VSTM1: variants seen among roughly 807,000 people sequenced by gnomAD.
VSTM1 encodes the protein V-set and transmembrane domain containing 1.
In VSTM1, 27 loss-of-function variants were observed where a neutral mutation model predicts 33.1. The observed-to-expected ratio is 0.82, with a 90% CI of 0.60 to 1.12. The LOEUF is 1.12. Among genes scored for constraint, VSTM1 ranks in the 50% most tolerant of loss-of-function variants. The pLI is 0.00. For synonymous variants in VSTM1, 115 were observed against 110.3 expected, an observed-to-expected ratio of 1.04 and a Z score of -0.27; for missense variants, 304 against 288.9, an observed-to-expected ratio of 1.05 and a Z score of -0.38.
chr19:54,060,197 C>T (rs2071328390), intron 1 of VSTM1, among the ~76,000 whole-genome samples: 3 of 151,986 alleles, frequency 2.0e-5, no homozygotes, highest in Non-Finnish European at 4.4e-5. Context: ...GAATCTGCTC[C>T]CCCTTCCCCG....
At chr19:54,043,252 G>A (rs2070409208) in intron 4 of VSTM1, among the ~76,000 whole-genome samples, 1 of 152,068 alleles carries the variant, frequency 6.6e-6, no homozygotes, top group Admixed American at 6.6e-5. Context: ...CCCCAAGGTG[G>A]AAGGAATTCT....
chr19:54,052,172 G>T (rs1360022004), intron 3 of VSTM1, among the ~76,000 whole-genome samples: 1 of 151,582 alleles, frequency 6.6e-6, no homozygotes, highest in Non-Finnish European at 1.5e-5. Flanking sequence ...GCCGAGGCGG[G>T]CAGATCACAA....
At chr19:54,061,998 AT>A (rs766178344) in intron 1 of VSTM1, among the ~76,000 whole-genome samples, 2 of 152,028 alleles carry the variant, frequency 1.3e-5, no homozygotes, top group Non-Finnish European at 2.9e-5. Context: ...TCTACTAAAA[AT>A]ACAAAAATTA....
At chr19:54,046,570 T>C (rs2070602397) in intron 4 of VSTM1, among the ~76,000 whole-genome samples, 1 of 152,048 alleles carries the variant, frequency 6.6e-6, no homozygotes, top group Non-Finnish European at 1.5e-5. Context: ...CTGTAATAGA[T>C]TCTGTCAATG....
At position 54,058,298 on chromosome 19, in the gene VSTM1, C is replaced by T; in HGVS notation, c.355+8G>A. On this transcript the variant is annotated splice_region_variant and intron_variant, in intron 3 of 8. Coordinates refer to ENST00000338372, the MANE Select transcript of VSTM1 (RefSeq NM_198481.4). ...GTGTGCATCAAAGAGTACATCTGCC[C>T]TTCTCACCTGTGACCACCAGCTGCA... The T allele has an allele frequency of 1.2e-6, 2 of 1,613,140 alleles. No individual in the cohort carries two copies. The highest frequency in any genetic ancestry group is 1.1e-5 in the South Asian group (1 of 91,048).
intron 3 of VSTM1, among the ~76,000 whole-genome samples, chr19:54,056,848 TC>T (rs1224834327): frequency 2.1e-4 from 26 of 125,408 alleles, no homozygotes; most frequent in Admixed American, 3.7e-4. Flanking sequence ...GTTGCATCTA[TC>T]CTTCTTCTTC....
chr19:54,041,493 G>T (rs1443654441), intron 8 of VSTM1, among the ~76,000 whole-genome samples: 1 of 151,892 alleles, frequency 6.6e-6, no homozygotes, highest in African/African-American at 2.4e-5. Flanking sequence ...AGTAGAGATG[G>T]GGTTTCACCA....
intron 1 of VSTM1, among the ~76,000 whole-genome samples, chr19:54,061,164 C>A (rs1211689216): frequency 4.0e-5 from 6 of 151,806 alleles, no homozygotes; most frequent in African/African-American, 1.5e-4. Context: ...ATTACAGGTC[C>A]TTGCCACCAT....
intron 3 of VSTM1, among the ~76,000 whole-genome samples, chr19:54,056,214 CTT>C (rs869203085): frequency 1.8e-4 from 7 of 39,168 alleles, no homozygotes; most frequent in Non-Finnish European, 2.5e-4. Context: ...CTTTTCTTTT[CTT>C]TTTTTTTTTT....
At position 54,042,171 on chromosome 19, in the gene VSTM1, C is replaced by T; in HGVS notation, c.513G>A (p.Lys171=). 1 of 1,613,982 alleles carries T rather than the reference C, an allele frequency of 6.2e-7. No individual in the cohort carries two copies. The highest frequency in any genetic ancestry group is 8.5e-7 in the Non-Finnish European group (1 of 1,179,996). ...CATGAGCTATGCCAAGCATCTACCT[C>T]TTGGTGGATTCCTCAGATGATGAAC... is the stretch of plus-strand genomic sequence containing the variant. ...QHSSSSEEST[K]RTSHSKLPEQ... is the part of the protein sequence containing the mutation. The change falls in exon 6 of 9, where the codon AAG becomes AAA. Residue 171 remains lysine, a splice_region_variant and synonymous_variant. Coordinates refer to ENST00000338372, the MANE Select transcript of VSTM1 (RefSeq NM_198481.4).
At position 54,042,156 on chromosome 19, in the gene VSTM1, G is replaced by A. The variant is rs1366406719; in HGVS notation, c.515+13C>T. On this transcript the variant is annotated intron_variant, in intron 6 of 8. Transcript: ENST00000338372. The stretch of plus-strand genomic sequence containing the variant: ...TGGGAATAAGTGGAGCATGAGCTAT[G>A]CCAAGCATCTACCTCTTGGTGGATT... The A allele has an allele frequency of 6.2e-7, 1 of 1,613,958 alleles. No homozygotes were observed. Among genetic ancestry groups the A allele is most frequent in the Non-Finnish European group, 8.5e-7 (1 of 1,179,976 alleles).
In VSTM1 at chr19:54,057,437, C is replaced by T. The variant is rs572863919; in HGVS notation, c.355+869G>A. The stretch of plus-strand genomic sequence containing the variant: ...GGCTGATGTGGGAAAATCGCTTGAG[C>T]CTGGGAGGTCGAGGCTGCAGTGAAT... On this transcript the variant is annotated intron_variant, in intron 3 of 8. Transcript: ENST00000338372. 7.3e-4 allele frequency among the ~76,000 whole-genome samples: 110 copies of T among 151,360 alleles called. 1 individual carries two copies. The highest frequency in any genetic ancestry group is 2.4e-3 in the African/African-American group (101 of 41,284).
intron 4 of VSTM1, among the ~76,000 whole-genome samples, chr19:54,043,871 G>A (rs1045794730): frequency 1.3e-5 from 2 of 150,426 alleles, no homozygotes; most frequent in African/African-American, 4.8e-5. Flanking sequence ...AGAGGGTGAG[G>A]GCAATGGAGG....
Position 54,054,630 on chromosome 19 carries a change from GATGA to G in VSTM1, c.356-3186_356-3183del, listed in dbSNP as rs2070995641. On this transcript the variant is annotated intron_variant, in intron 3 of 8. Transcript: ENST00000338372. The stretch of plus-strand genomic sequence containing the variant: ...TTGTTTAGTGACTAATAAATGAATG[GATGA>G]ATGGATGGATGGATGGATGGATGGA... 2.4e-5 allele frequency among the ~76,000 whole-genome samples: 3 copies of G among 124,000 alleles called. 1 individual carries two copies. The highest frequency in any genetic ancestry group is 5.5e-4 in the South Asian group (2 of 3,662). The allele number at this position is 124,000 out of a possible 152,430, so 81.3% of individuals were successfully genotyped here. A position where few individuals can be genotyped will look rare whatever the true frequency, so the allele number is the denominator to read the frequency against.
rs185203256 is a variant in VSTM1 at position 54,050,655 on chromosome 19, T to C, written c.394+755A>G. ...TCCTCCACCCCCCAAAACACAGCAGTTTCCCCAATAACATTGAGAAAATGG... is the reference window on the plus strand; with the variant it reads ...TCCTCCACCCCCCAAAACACAGCAGCTTCCCCAATAACATTGAGAAAATGG... On this transcript the variant is annotated intron_variant, in intron 4 of 8. Coordinates refer to ENST00000338372, the MANE Select transcript of VSTM1 (RefSeq NM_198481.4). Among the ~76,000 whole-genome samples the C allele has an allele frequency of 6.0e-4, 91 of 152,096 alleles. 1 individual carries two copies. Among genetic ancestry groups the C allele is most frequent in the East Asian group, 5.8e-3 (30 of 5,166 alleles).
At chr19:54,052,123 G>C in intron 3 of VSTM1, among the ~76,000 whole-genome samples, 1 of 152,108 alleles carries the variant, frequency 6.6e-6, no homozygotes, top group Non-Finnish European at 1.5e-5. Context: ...ACTTGGCCGG[G>C]CGCAGTGGCT....
At chr19:54,058,239 TAA>T (rs375968457) in intron 3 of VSTM1, 65 bp downstream of exon 3, 216 of 1,278,190 alleles carry the variant, frequency 1.7e-4, no homozygotes, top group Admixed American at 4.2e-4. Flanking sequence ...GACTCTGTCT[TAA>T]AAAAAAAAAA....
rs958932656 is a variant in VSTM1, at chr19:54,055,651, G to A, written c.355+2655C>T. The A allele has an allele frequency of 1.2e-4, 17 of 142,690 alleles. 4 individuals carry two copies. Among genetic ancestry groups the A allele is most frequent in the African/African-American group, 4.4e-4 (17 of 38,530 alleles). The allele number at this position is 142,690 out of a possible 1,614,324, so 8.8% of individuals were successfully genotyped here. A position where few individuals can be genotyped will look rare whatever the true frequency, so the allele number is the denominator to read the frequency against. The stretch of plus-strand genomic sequence containing the variant: ...CAGTCTGGTTTTTTCTTACTTGCCT[G>A]ACTTGTAATGGTTCTGGGATCCCCA... On this transcript the variant is annotated intron_variant, in intron 3 of 8. Transcript: ENST00000338372.
chr19:54,051,443 G>T lies in VSTM1; in HGVS notation c.361C>A (p.His121Asn). The change falls in exon 4 of 9, where the codon CAC becomes AAC. Residue 121 changes from histidine (H) to asparagine (N), a missense_variant. His to Asn is a moderately conservative substitution (Grantham distance 68). Transcript: ENST00000338372. ...EHLQLVVTDK[H>N]DELEAPSMKT... ...ATTGAGGGAGCTTCAAGTTCATCGT[G>T]TTTATCTAGAAAATAGGAGGGAAGA... 1 of 1,593,890 alleles carries T rather than the reference G, an allele frequency of 6.3e-7. No individual in the cohort carries two copies. Among genetic ancestry groups the T allele is most frequent in the Non-Finnish European group, 8.5e-7 (1 of 1,174,296 alleles).
Sources: allele counts gnomAD v4.1 joint callset (sites outside exome capture counted in the v4.1 genomes callset), GRCh38; gene constraint gnomAD v4.1.1; transcripts MANE v1.5; gene names NCBI Gene and HGNC (gene_info 2026-07-23, HGNC 2026-07-21).